NEGR1: variants seen among roughly 807,000 people sequenced by gnomAD.
NEGR1 encodes the protein IgLON family member 4.
A neutral mutation model predicts 40.9 loss-of-function variants in NEGR1; 10 were observed. The ratio of observed to expected loss-of-function variants is 0.24; its 90% CI spans 0.15 to 0.42. The LOEUF is 0.42. Among genes scored for constraint, NEGR1 ranks in the 10% least tolerant of loss-of-function variants. NEGR1 has a pLI of 1.00. For missense variants in NEGR1, 352 were observed against 438.9 expected, an observed-to-expected ratio of 0.80 and a Z score of 1.77; for synonymous variants, 185 against 166.8, an observed-to-expected ratio of 1.11 and a Z score of -0.84.
At chr1:71,868,898 A>G (rs564927286) in intron 2 of NEGR1, among the ~76,000 whole-genome samples, 2 of 151,994 alleles carry the variant, frequency 1.3e-5, no homozygotes, top group South Asian at 2.1e-4. Context: ...CCCAATATGT[A>G]TGTACATACT....
At chr1:71,435,897 C>T (rs1170361093) in intron 6 of NEGR1, among the ~76,000 whole-genome samples, 1 of 152,162 alleles carries the variant, frequency 6.6e-6, no homozygotes, top group African/African-American at 2.4e-5. Context: ...TGGAAGGCAT[C>T]AGAGTGGTCT....
intron 1 of NEGR1, among the ~76,000 whole-genome samples, chr1:72,093,562 T>G (rs546388310): frequency 6.6e-6 from 1 of 152,308 alleles, no homozygotes; most frequent in East Asian, 1.9e-4. Context: ...GTCAGGTATT[T>G]ATTATTCCAA....
chr1:72,190,644 T>C (rs938175692), intron 1 of NEGR1, among the ~76,000 whole-genome samples: 2 of 151,658 alleles, frequency 1.3e-5, no homozygotes, highest in Non-Finnish European at 3.0e-5. Context: ...TATTTATTAA[T>C]ATATCAAATT....
intron 1 of NEGR1, among the ~76,000 whole-genome samples, chr1:72,028,251 C>T (rs1397078453): frequency 6.6e-6 from 1 of 152,122 alleles, no homozygotes; most frequent in African/African-American, 2.4e-5. Context: ...TTCATAGTGG[C>T]CATTACAACA....
At chr1:71,922,652 T>C (rs1645731804) in intron 2 of NEGR1, among the ~76,000 whole-genome samples, 1 of 152,148 alleles carries the variant, frequency 6.6e-6, no homozygotes, top group South Asian at 2.1e-4. Context: ...GCAATATCAA[T>C]TGCATCCTAA....
At chr1:71,765,345 A>G (rs570637215) in intron 3 of NEGR1, among the ~76,000 whole-genome samples, 1 of 152,294 alleles carries the variant, frequency 6.6e-6, no homozygotes, top group South Asian at 2.1e-4. Flanking sequence ...TTTTGCAGGG[A>G]AAACACTTCC....
At chr1:72,235,737 T>C (rs1163287781) in intron 1 of NEGR1, among the ~76,000 whole-genome samples, 1 of 152,094 alleles carries the variant, frequency 6.6e-6, no homozygotes, top group Non-Finnish European at 1.5e-5. Flanking sequence ...GAAGCCATTC[T>C]AGGGTCTTGT....
rs547322399 is a variant in NEGR1 at position 72,076,610 on chromosome 1, A to G, written c.177-141299T>C. Reference sequence around the variant, plus strand: ...CAGTATATCTTGATCTTCCATAACAAGTGAGCCAATTTCTACGATAATATA... The same window carrying G: ...CAGTATATCTTGATCTTCCATAACAGGTGAGCCAATTTCTACGATAATATA... On this transcript the variant is annotated intron_variant, in intron 1 of 6. Transcript: ENST00000357731. Among the ~76,000 whole-genome samples the G allele has an allele frequency of 2.6e-5, 4 of 151,708 alleles. No individual in the cohort carries two copies. In the East Asian group the frequency reaches 7.9e-4, roughly 30 times the overall value.
chr1:71,995,537 T>G (rs1646496965), intron 1 of NEGR1, among the ~76,000 whole-genome samples: 1 of 152,160 alleles, frequency 6.6e-6, no homozygotes, highest in South Asian at 2.1e-4. Context: ...AGTTTCAATG[T>G]TTGTCCATAT....
intron 4 of NEGR1, among the ~76,000 whole-genome samples, chr1:71,684,494 TTGTGTGCGTGTGTG>T (rs1030945094): frequency 4.6e-5 from 7 of 152,054 alleles, no homozygotes; most frequent in African/African-American, 1.7e-4. Context: ...GTATCTATTT[TTGTGTGCGTGTGTG>T]TGTGTGCGTG....
intron 6 of NEGR1, among the ~76,000 whole-genome samples, chr1:71,412,261 A>G (rs958092334): frequency 7.2e-5 from 11 of 152,122 alleles, no homozygotes; most frequent in African/African-American, 2.4e-4. Context: ...TCCTTTGTGC[A>G]TGCAACCTCC....
intron 4 of NEGR1, among the ~76,000 whole-genome samples, chr1:71,667,757 T>C (rs1329130736): frequency 1.3e-5 from 2 of 152,178 alleles, no homozygotes; most frequent in African/African-American, 4.8e-5. Flanking sequence ...ACTATCGGGT[T>C]CAAATCTTTC....
chr1:72,076,890 C>CTTT (rs56943357), intron 1 of NEGR1, among the ~76,000 whole-genome samples: 3,246 of 101,564 alleles, frequency 0.032, 125 homozygotes, highest in African/African-American at 0.1. Flanking sequence ...CTCATTTATC[C>CTTT]TTTTTTTTTT....
At chr1:71,521,602 G>C (rs1318078922) in intron 6 of NEGR1, among the ~76,000 whole-genome samples, 1 of 151,970 alleles carries the variant, frequency 6.6e-6, no homozygotes, top group Non-Finnish European at 1.5e-5. Context: ...CAAACAGATT[G>C]TGTGGCACAG....
At chr1:72,055,543 G>A (rs1647102638) in intron 1 of NEGR1, among the ~76,000 whole-genome samples, 1 of 151,004 alleles carries the variant, frequency 6.6e-6, no homozygotes, top group East Asian at 1.9e-4. Context: ...GCCTGAACAC[G>A]CAGGTACATA....
intron 6 of NEGR1, among the ~76,000 whole-genome samples, chr1:71,551,708 G>A (rs1051822453): frequency 6.6e-6 from 1 of 151,460 alleles, no homozygotes; most frequent in Non-Finnish European, 1.5e-5. Context: ...ACCCTTTTCA[G>A]TATTAGGGCT....
intron 1 of NEGR1, among the ~76,000 whole-genome samples, chr1:72,034,961 C>T (rs1047356952): frequency 7.9e-5 from 12 of 152,166 alleles, no homozygotes; most frequent in Admixed American, 5.2e-4. Context: ...GCAGTTCTCA[C>T]TCTCTTCCTT....
chr1:72,276,076 G>C (rs1656039443), intron 1 of NEGR1, among the ~76,000 whole-genome samples: 1 of 152,032 alleles, frequency 6.6e-6, no homozygotes, highest in African/African-American at 2.4e-5. Context: ...CAGCTTGGGG[G>C]ACAGAGTGAG....
intron 1 of NEGR1, among the ~76,000 whole-genome samples, chr1:71,985,187 T>C (rs1487972941): frequency 6.6e-6 from 1 of 152,176 alleles, no homozygotes; most frequent in Non-Finnish European, 1.5e-5. Flanking sequence ...TAATCTCTTC[T>C]TCACAGGCAA....
Sources: gnomAD v4.1 joint callset for allele counts (sites outside exome capture counted in the v4.1 genomes callset) on GRCh38, gnomAD v4.1.1 for gene constraint, MANE v1.5 for transcripts, NCBI Gene and HGNC (gene_info 2026-07-23, HGNC 2026-07-21) for gene names.